Variants in PLCB4 observed in about 807,000 individuals in gnomAD.
PLCB4 encodes the protein phospholipase C beta 4, also known as 1-phosphatidylinositol 4,5-bisphosphate phosphodiesterase beta-4.
In PLCB4, 77 loss-of-function variants were observed where a neutral mutation model predicts 178.8. The observed-to-expected ratio is 0.43, with a 90% CI of 0.36 to 0.52. The LOEUF is 0.52. Ranked by LOEUF, PLCB4 falls within the 20% of genes least tolerant of loss-of-function variation. The pLI, the probability that PLCB4 is intolerant of heterozygous loss-of-function variation, is 0.00. For missense variants in PLCB4, 1,024 were observed against 1,453.4 expected (o/e 0.70, Z 4.80); for synonymous variants, 496 against 490.8 (o/e 1.01, Z -0.14).
intron 4 of PLCB4, among the ~76,000 whole-genome samples, chr20:9,336,472 G>T (rs887830746): frequency 6.6e-6 from 1 of 152,072 alleles, no homozygotes; most frequent in Non-Finnish European, 1.5e-5. Flanking sequence ...TCAAACTTTC[G>T]TGTGTGTTCG....
At chr20:9,120,976 A>G (rs921278598) in intron 2 of PLCB4, among the ~76,000 whole-genome samples, 1 of 151,998 alleles carries the variant, frequency 6.6e-6, no homozygotes, top group African/African-American at 2.4e-5. Context: ...CCCCAGTGCC[A>G]TCTCCCTGAA....
At chr20:9,386,116 G>C (rs1013835036) in intron 14 of PLCB4, among the ~76,000 whole-genome samples, 1 of 152,172 alleles carries the variant, frequency 6.6e-6, no homozygotes. Flanking sequence ...AGTCAGGCGT[G>C]GTGGCGCACA....
intron 3 of PLCB4, among the ~76,000 whole-genome samples, chr20:9,231,457 C>T (rs1375973496): frequency 6.6e-6 from 1 of 152,130 alleles, no homozygotes; most frequent in Non-Finnish European, 1.5e-5. Flanking sequence ...CACCTTCTTG[C>T]TGTATTCACT....
rs1386053333 is a variant in PLCB4, at chr20:9,338,942, G to T, written c.274G>T (p.Asp92Tyr). ...ALEAVGKSEN[D>Y]LEGRIVCVCS... ...TGAAGCTGTTGGAAAATCAGAAAAT[G>T]ATCTGGAAGGGCGGATAGTTTGTGT... The change falls in exon 7 of 40, where the codon GAT becomes TAT. Residue 92 changes from aspartate to tyrosine, a missense_variant. This residue lies in a region of PLCB4 where 225 missense variants were observed against 291.0 expected (regional missense o/e 0.77). Transcript: ENST00000378473. 2.5e-6 allele frequency: 4 copies of T among 1,613,302 alleles called. No individual in the cohort carries two copies. In the East Asian group the frequency reaches 8.9e-5, roughly 36 times the overall value.
At chr20:9,097,232 CTTTT>C (rs544568591) in intron 2 of PLCB4, among the ~76,000 whole-genome samples, 1 of 81,072 alleles carries the variant, frequency 1.2e-5, no homozygotes, top group African/African-American at 5.0e-5. Context: ...ACAGCCTGGC[CTTTT>C]TTTTTTTTTT....
At chr20:9,272,853 G>T (rs1445985472) in intron 3 of PLCB4, among the ~76,000 whole-genome samples, 1 of 150,058 alleles carries the variant, frequency 6.7e-6, no homozygotes, top group East Asian at 2.0e-4. Context: ...TAGTGAACTT[G>T]ACTTACCTTG....
At chr20:9,469,755 A>G (rs2044055158) in intron 36 of PLCB4, among the ~76,000 whole-genome samples, 1 of 152,174 alleles carries the variant, frequency 6.6e-6, no homozygotes, top group Non-Finnish European at 1.5e-5. Context: ...TGTGTCCTCT[A>G]TAGAAGGTGC....
At chr20:9,370,018 G>A (rs1030223648) in intron 9 of PLCB4, among the ~76,000 whole-genome samples, 1 of 152,162 alleles carries the variant, frequency 6.6e-6, no homozygotes, top group Non-Finnish European at 1.5e-5. Flanking sequence ...GCGATTGAAG[G>A]CTCCTTGGTG....
At chr20:9,470,892 CT>C (rs2044147394) in intron 36 of PLCB4, among the ~76,000 whole-genome samples, 1 of 152,098 alleles carries the variant, frequency 6.6e-6, no homozygotes, top group Non-Finnish European at 1.5e-5. Context: ...TACAAATTGG[CT>C]GTTTTTTAAA....
In PLCB4 at chr20:9,412,273, AGTAGTG is replaced by A. The variant is rs535037714; in HGVS notation, c.2051+1187_2051+1192del. Among the ~76,000 whole-genome samples the A allele has an allele frequency of 1.4e-4, 22 of 152,254 alleles. No homozygotes were observed. In the East Asian group the frequency reaches 3.3e-3, roughly 23 times the overall value. On this transcript the variant is annotated intron_variant, in intron 25 of 39. Transcript: ENST00000378473. ...GCTTTGTAGACCTCCTCCTCTCCCA[AGTAGTG>A]GGCCAAGGCATCAAGCCCCAGGGGT...
chr20:9,414,017 G>T (rs1017811168), intron 25 of PLCB4, among the ~76,000 whole-genome samples: 1 of 152,210 alleles, frequency 6.6e-6, no homozygotes, highest in Non-Finnish European at 1.5e-5. Context: ...CTCCCAAAGT[G>T]CTGGGATTAC....
At chr20:9,452,461 A>C (rs1486201627) in intron 32 of PLCB4, among the ~76,000 whole-genome samples, 1 of 152,142 alleles carries the variant, frequency 6.6e-6, no homozygotes, top group African/African-American at 2.4e-5. Flanking sequence ...GGTTCTCAAG[A>C]GTAAGGTTAG....
At chr20:9,455,614 T>C (rs917045921) in intron 33 of PLCB4, among the ~76,000 whole-genome samples, 9 of 152,156 alleles carry the variant, frequency 5.9e-5, no homozygotes, top group Non-Finnish European at 1.0e-4. Flanking sequence ...CCCTGTTTTA[T>C]CCTAAACGTA....
chr20:9,216,146 T>C (rs1337897008), intron 2 of PLCB4, among the ~76,000 whole-genome samples: 1 of 152,152 alleles, frequency 6.6e-6, no homozygotes, highest in Non-Finnish European at 1.5e-5. Context: ...TCTGCCTTCT[T>C]ACCATATGGA....
At chr20:9,387,591 ACT>A (rs756666488) in intron 15 of PLCB4, 35 bp downstream of exon 15, 5 of 1,025,862 alleles carry the variant, frequency 4.9e-6, no homozygotes, top group Non-Finnish European at 7.5e-6. Context: ...ACTTTTCCAA[ACT>A]CTGTGAAAAT....
chr20:9,172,522 C>T (rs1385095235), intron 2 of PLCB4, among the ~76,000 whole-genome samples: 2 of 151,920 alleles, frequency 1.3e-5, no homozygotes, highest in South Asian at 2.1e-4. Flanking sequence ...CTGTTAATTA[C>T]TCTCTAATTA....
chr20:9,134,580 A>G (rs2092344217), intron 2 of PLCB4, among the ~76,000 whole-genome samples: 1 of 152,108 alleles, frequency 6.6e-6, no homozygotes, highest in Admixed American at 6.5e-5. Context: ...GCCCAGAAAG[A>G]CACAAAATTA....
chr20:9,101,887 C>T lies in PLCB4; in HGVS notation c.-79+5545C>T, dbSNP rs931217404. Among the ~76,000 whole-genome samples the T allele has an allele frequency of 6.6e-5, 10 of 151,436 alleles. No homozygotes were observed. The East Asian group carries it at 7.8e-4, about 12-fold the overall frequency. On this transcript the variant is annotated intron_variant, in intron 2 of 39. Transcript: ENST00000378473. ...TGAGATGGAGTTTTGCTCTGTCACC[C>T]GGGTTGGAGTGAAGTGGCATGATCT...
chr20:9,166,278 C>T (rs1262575119), intron 2 of PLCB4: 4 of 152,100 alleles, frequency 2.6e-5, no homozygotes, highest in Non-Finnish European at 5.9e-5. Context: ...AAACAAACAC[C>T]CAACCTCTGA....
Sources: allele counts gnomAD v4.1 joint callset (sites outside exome capture counted in the v4.1 genomes callset), GRCh38; gene constraint gnomAD v4.1.1; regional missense constraint gnomAD v4.1.1; transcripts MANE v1.5; gene names NCBI Gene and HGNC (gene_info 2026-07-23, HGNC 2026-07-21).